Variants in CNTN4 observed in about 807,000 individuals in gnomAD.
CNTN4 encodes contactin 4, also known as contactin-4.
A neutral mutation model predicts 122.5 loss-of-function variants in CNTN4; 77 were observed. That is an observed-to-expected ratio of 0.63 (90% CI 0.52 to 0.76). The LOEUF is 0.76. Ranked by LOEUF, CNTN4 falls within the 30% of genes least tolerant of loss-of-function variation. CNTN4 has a pLI of 0.00. For missense variants in CNTN4, 1,256 were observed against 1,259.1 expected (o/e 1.00, Z 0.04); for synonymous variants, 512 against 447.0 (o/e 1.15, Z -1.83).
chr3:2,595,612 C>T (rs755340374), intron 4 of CNTN4, among the ~76,000 whole-genome samples: 14 of 152,100 alleles, frequency 9.2e-5, no homozygotes, highest in Non-Finnish European at 1.5e-4. Flanking sequence ...GACCCTCAGG[C>T]GCTGTGGGAT....
chr3:2,965,859 C>G (rs934006705), intron 13 of CNTN4, among the ~76,000 whole-genome samples: 1 of 152,108 alleles, frequency 6.6e-6, no homozygotes, highest in Non-Finnish European at 1.5e-5. Flanking sequence ...CCTACATATC[C>G]CTTAAGAATC....
intron 6 of CNTN4, among the ~76,000 whole-genome samples, chr3:2,767,739 A>G (rs528260778): frequency 2.6e-5 from 4 of 152,320 alleles, no homozygotes; most frequent in African/African-American, 9.6e-5. Context: ...ACGTCTTACG[A>G]TAATAAGAAG....
intron 3 of CNTN4, among the ~76,000 whole-genome samples, chr3:2,421,561 A>T (rs574429356): frequency 6.6e-6 from 1 of 152,118 alleles, no homozygotes; most frequent in African/African-American, 2.4e-5. Context: ...CCCAGCCTTC[A>T]TATTGTTTAT....
intron 3 of CNTN4, among the ~76,000 whole-genome samples, chr3:2,458,016 C>G (rs1257463326): frequency 2.0e-5 from 3 of 152,134 alleles, no homozygotes; most frequent in African/African-American, 7.2e-5. Context: ...CTTCCATTTT[C>G]AGAGTAATGT....
chr3:2,459,368 A>G (rs73806603), intron 3 of CNTN4, among the ~76,000 whole-genome samples: 5,062 of 152,208 alleles, frequency 0.033, 276 homozygotes, highest in African/African-American at 0.11. Context: ...AGAAGACAGT[A>G]AAAACGAACT....
chr3:3,026,390 CT>C, intron 15 of CNTN4, 113 bp downstream of exon 15: 3 of 905,804 alleles, frequency 3.3e-6, no homozygotes, highest in Non-Finnish European at 5.3e-6. Flanking sequence ...GCAAGAAACT[CT>C]TGGTTAATTC....
At position 2,317,269 on chromosome 3, in the gene CNTN4, T is replaced by A. The variant is rs540570577; in HGVS notation, c.-144-21909T>A. ...TCTGAATTCAATTAACAGTGGTACT[T>A]GTTTGTGATGGAGTTGGGGTTTCAT... On this transcript the variant is annotated intron_variant, in intron 2 of 24. Transcript: ENST00000418658. 1.6e-3 allele frequency among the ~76,000 whole-genome samples: 242 copies of A among 152,324 alleles called. 1 individual carries two copies. The highest frequency in any genetic ancestry group is 6.4e-3 in the South Asian group (31 of 4,828).
intron 2 of CNTN4, among the ~76,000 whole-genome samples, chr3:2,282,197 G>C (rs537875777): frequency 6.6e-6 from 1 of 152,140 alleles, no homozygotes; most frequent in South Asian, 2.1e-4. Flanking sequence ...AGTAATTGGC[G>C]TGGATTTTAT....
At chr3:2,680,242 C>G (rs912140706) in intron 4 of CNTN4, among the ~76,000 whole-genome samples, 2 of 152,002 alleles carry the variant, frequency 1.3e-5, no homozygotes, top group African/African-American at 4.8e-5. Flanking sequence ...ATCAGCCAAG[C>G]GAGGCAAGGC....
intron 7 of CNTN4, among the ~76,000 whole-genome samples, chr3:2,840,596 G>C (rs1203201343): frequency 2.5e-4 from 24 of 97,066 alleles, no homozygotes; most frequent in South Asian, 4.8e-4. Flanking sequence ...CTACTCGGGA[G>C]GCTGAGGCGG....
At chr3:2,865,134 G>A (rs1257935466) in intron 7 of CNTN4, among the ~76,000 whole-genome samples, 1 of 152,138 alleles carries the variant, frequency 6.6e-6, no homozygotes, top group Non-Finnish European at 1.5e-5. Context: ...GTATCCTCTT[G>A]ACACCAGCAT....
chr3:3,032,420 C>A (rs1213455245), intron 16 of CNTN4, among the ~76,000 whole-genome samples: 1 of 152,126 alleles, frequency 6.6e-6, no homozygotes, highest in Non-Finnish European at 1.5e-5. Flanking sequence ...ACATTAAATA[C>A]CAGGAGGAAT....
At chr3:2,658,366 C>T (rs2083697720) in intron 4 of CNTN4, among the ~76,000 whole-genome samples, 1 of 152,058 alleles carries the variant, frequency 6.6e-6, no homozygotes, top group Non-Finnish European at 1.5e-5. Flanking sequence ...TTTTCATGGC[C>T]ATGGGACAGA....
At chr3:2,547,847 A>T (rs73805327) in intron 3 of CNTN4, among the ~76,000 whole-genome samples, 2,344 of 152,206 alleles carry the variant, frequency 0.015, 58 homozygotes, top group African/African-American at 0.053. Context: ...ACTGTCCAAA[A>T]TCCACAGATC....
intron 6 of CNTN4, among the ~76,000 whole-genome samples, chr3:2,761,692 T>C (rs1358258932): frequency 6.6e-6 from 1 of 152,146 alleles, no homozygotes; most frequent in East Asian, 1.9e-4. Flanking sequence ...CATTGGTACA[T>C]AGTAGATGTT....
chr3:2,120,147 G>C (rs1355015334), intron 2 of CNTN4, among the ~76,000 whole-genome samples: 1 of 151,506 alleles, frequency 6.6e-6, no homozygotes, highest in African/African-American at 2.4e-5. Context: ...AAGTTGTCAT[G>C]GGTCAAGAAA....
chr3:2,127,276 G>C (rs2727915), intron 2 of CNTN4, among the ~76,000 whole-genome samples: 49 of 151,946 alleles, frequency 3.2e-4, no homozygotes, highest in Admixed American at 6.5e-4. Context: ...TTGAGAGAGA[G>C]CCAAGTCCAT....
intron 2 of CNTN4, among the ~76,000 whole-genome samples, chr3:2,243,020 A>T (rs151189263): frequency 1.3e-5 from 2 of 152,238 alleles, no homozygotes; most frequent in East Asian, 3.9e-4. Flanking sequence ...GGTATGCAGA[A>T]TCTGGTGCAA....
intron 7 of CNTN4, among the ~76,000 whole-genome samples, chr3:2,855,037 C>A (rs1263504441): frequency 1.3e-5 from 2 of 152,136 alleles, no homozygotes; most frequent in African/African-American, 4.8e-5. Flanking sequence ...TACGAGTGAC[C>A]CGTACAATAC....
Sources: gnomAD v4.1 joint callset for allele counts (sites outside exome capture counted in the v4.1 genomes callset) on GRCh38, gnomAD v4.1.1 for gene constraint, MANE v1.5 for transcripts, NCBI Gene and HGNC (gene_info 2026-07-23, HGNC 2026-07-21) for gene names.